The following BCL2 variants were observed in gnomAD, a reference collection of about 807,000 sequenced individuals.
The protein encoded by BCL2 is BCL2 apoptosis regulator.
BCL2 carries 1 observed loss-of-function variant against 14.2 expected under a neutral mutation model. That is an observed-to-expected ratio of 0.07 (90% CI 0.02 to 0.33). The LOEUF (loss-of-function observed/expected upper bound fraction) is 0.33. Ranked by LOEUF, BCL2 falls within the 10% of genes least tolerant of loss-of-function variation. BCL2 has a pLI of 0.99. For missense variants in BCL2, 247 were observed against 305.9 expected (o/e 0.81, Z 1.44); for synonymous variants, 151 against 137.2 (o/e 1.10, Z -0.70).
intron 2 of BCL2, among the ~76,000 whole-genome samples, chr18:63,186,100 C>T (rs1244958478): frequency 1.3e-5 from 2 of 152,156 alleles, no homozygotes; most frequent in Non-Finnish European, 2.9e-5. Flanking sequence ...TAATATATAG[C>T]ACCATATAAA....
In BCL2 at chr18:63,287,500, G is replaced by A. The variant is rs565863588; in HGVS notation, c.585+30582C>T. 5.3e-5 allele frequency among the ~76,000 whole-genome samples: 8 copies of A among 152,270 alleles called. No homozygotes were observed. In the East Asian group the frequency reaches 1.2e-3, roughly 22 times the overall value. The stretch of plus-strand genomic sequence containing the variant: ...TGCCAGGGCTAAGGGTTAGGGGGTG[G>A]CGGGCAGTTTGAGTACAAACTCTCA... On this transcript the variant is annotated intron_variant, in intron 2 of 2. Coordinates refer to ENST00000333681, the MANE Select transcript of BCL2 (RefSeq NM_000633.3).
intron 2 of BCL2, among the ~76,000 whole-genome samples, chr18:63,190,303 T>C (rs887331596): frequency 2.0e-5 from 3 of 152,228 alleles, no homozygotes; most frequent in South Asian, 2.1e-4. Flanking sequence ...AATGCAGAGC[T>C]TGACAAAATG....
intron 2 of BCL2, among the ~76,000 whole-genome samples, chr18:63,239,297 C>T (rs964393235): frequency 1.3e-5 from 2 of 152,180 alleles, no homozygotes; most frequent in Non-Finnish European, 2.9e-5. Context: ...AGGGGCCTCC[C>T]CTGAGCATCT....
intron 2 of BCL2, among the ~76,000 whole-genome samples, chr18:63,234,022 A>C (rs1438825767): frequency 1.3e-5 from 2 of 152,198 alleles, no homozygotes; most frequent in East Asian, 3.8e-4. Flanking sequence ...GTTACTGTTT[A>C]AAAGGGTATA....
chr18:63,312,860 T>C (rs764261582), intron 2 of BCL2, among the ~76,000 whole-genome samples: 2 of 152,244 alleles, frequency 1.3e-5, no homozygotes, highest in African/African-American at 4.8e-5. Context: ...AATTGTAGAC[T>C]GGTGTTTATT....
intron 2 of BCL2, among the ~76,000 whole-genome samples, chr18:63,219,741 C>A (rs531524655): frequency 5.1e-4 from 77 of 152,294 alleles, no homozygotes; most frequent in African/African-American, 1.6e-3. Flanking sequence ...GATGCAAGGG[C>A]AAGTGAGCTC....
At chr18:63,249,709 CAAAAAAA>C (rs11285614) in intron 2 of BCL2, among the ~76,000 whole-genome samples, 1 of 52,904 alleles carries the variant, frequency 1.9e-5, no homozygotes, top group Admixed American at 2.6e-4. Flanking sequence ...GACTCCGCCT[CAAAAAAA>C]AAAAAAAAAA....
At chr18:63,247,442 C>T (rs546387786) in intron 2 of BCL2, among the ~76,000 whole-genome samples, 2 of 152,150 alleles carry the variant, frequency 1.3e-5, no homozygotes, top group South Asian at 4.2e-4. Flanking sequence ...AGGTGATCTG[C>T]CCACCTTGAC....
intron 2 of BCL2, among the ~76,000 whole-genome samples, chr18:63,147,248 G>A (rs1914536916): frequency 6.6e-6 from 1 of 152,240 alleles, no homozygotes; most frequent in South Asian, 2.1e-4. Flanking sequence ...AACAGGAAGA[G>A]ATGCCCCATG....
At chr18:63,156,335 T>C (rs970999919) in intron 2 of BCL2, among the ~76,000 whole-genome samples, 1 of 152,146 alleles carries the variant, frequency 6.6e-6, no homozygotes, top group African/African-American at 2.4e-5. Flanking sequence ...ACATTCTGGG[T>C]CAGGTAATTC....
chr18:63,211,399 C>G (rs959006274), intron 2 of BCL2, among the ~76,000 whole-genome samples: 5 of 152,264 alleles, frequency 3.3e-5, no homozygotes, highest in Admixed American at 1.3e-4. Flanking sequence ...AAATCTGCCA[C>G]TTGAGAGAGG....
At chr18:63,310,781 C>G (rs1216452992) in intron 2 of BCL2, among the ~76,000 whole-genome samples, 1 of 152,222 alleles carries the variant, frequency 6.6e-6, no homozygotes, top group African/African-American at 2.4e-5. Context: ...TGGACAATTG[C>G]TCATTTCCCT....
chr18:63,146,675 T>A (rs1914522262), intron 2 of BCL2, among the ~76,000 whole-genome samples: 1 of 152,250 alleles, frequency 6.6e-6, no homozygotes, highest in Non-Finnish European at 1.5e-5. Context: ...TCTTACAATT[T>A]TATGTGCTTT....
In BCL2 at chr18:63,125,566, G is replaced by A; in HGVS notation, c.*3059C>T. The A allele has an allele frequency of 4.7e-6, 1 of 214,486 alleles. No homozygotes were observed. Among genetic ancestry groups the A allele is most frequent in the Non-Finnish European group, 9.4e-6 (1 of 106,158 alleles). 13.3% of individuals were successfully genotyped at this position (214,486 alleles called of 1,614,324 possible). A position where few individuals can be genotyped will look rare whatever the true frequency, so the allele number is the denominator to read the frequency against. On this transcript the variant is annotated 3_prime_UTR_variant, in exon 3 of 3. Transcript: ENST00000333681. ...CAGTGTAAAGAGGAGTACATACAGA[G>A]GACTGTTTTTTCATTCATAAAGAGC...
At chr18:63,309,153 T>C (rs1471599206) in intron 2 of BCL2, among the ~76,000 whole-genome samples, 1 of 152,216 alleles carries the variant, frequency 6.6e-6, no homozygotes, top group African/African-American at 2.4e-5. Flanking sequence ...GTCTACAGAT[T>C]ACCTTTGGGA....
rs572658494 is a variant in BCL2, at chr18:63,250,121, T to C, written c.585+67961A>G. Among the ~76,000 whole-genome samples, 3 of 152,314 alleles carry C rather than the reference T, an allele frequency of 2.0e-5. No homozygotes were observed. The South Asian group carries it at 6.2e-4, about 32-fold the overall frequency. ...AACATATACTCCTGCTAGTGTATTA[T>C]ACTCTCTCTCGACAAGGAGGCCCTC... On this transcript the variant is annotated intron_variant, in intron 2 of 2. Coordinates refer to ENST00000333681, the MANE Select transcript of BCL2 (RefSeq NM_000633.3).
intron 2 of BCL2, among the ~76,000 whole-genome samples, chr18:63,165,800 G>T (rs188357689): frequency 1.3e-5 from 2 of 152,264 alleles, no homozygotes; most frequent in African/African-American, 2.4e-5. Flanking sequence ...TTGCAGGGGA[G>T]GGGGGTGGAA....
intron 2 of BCL2, among the ~76,000 whole-genome samples, chr18:63,233,180 C>T (rs1910733183): frequency 6.6e-6 from 1 of 152,186 alleles, no homozygotes; most frequent in Admixed American, 6.5e-5. Flanking sequence ...CCTCCAAAAT[C>T]CTGCCTCCTA....
At chr18:63,299,902 GA>G (rs1912910875) in intron 2 of BCL2, among the ~76,000 whole-genome samples, 1 of 151,036 alleles carries the variant, frequency 6.6e-6, no homozygotes, top group Non-Finnish European at 1.5e-5. Context: ...ACTTTCCCAG[GA>G]AAAAACTCAC....
Sources: allele counts gnomAD v4.1 joint callset (sites outside exome capture counted in the v4.1 genomes callset), GRCh38; gene constraint gnomAD v4.1.1; transcripts MANE v1.5; gene names NCBI Gene and HGNC (gene_info 2026-07-23, HGNC 2026-07-21).